The following INTS6 variants were observed in gnomAD, a reference collection of about 807,000 sequenced individuals.
INTS6 encodes the protein DEAD box protein.
Under a neutral mutation model 104.9 loss-of-function variants are expected in INTS6, and 16 were observed. The observed-to-expected ratio is 0.15, with a 90% confidence interval of 0.10 to 0.23. The LOEUF (loss-of-function observed/expected upper bound fraction) is 0.23, where lower values mean the gene tolerates loss of function less well. Among genes scored for constraint, INTS6 ranks in the 10% least tolerant of loss-of-function variants. The pLI is 1.00. For synonymous variants in INTS6, 324 were observed against 358.7 expected, an observed-to-expected ratio of 0.90 and a Z score of 1.09; for missense variants, 584 against 1,062.8, an observed-to-expected ratio of 0.55 and a Z score of 6.26.
chr13:51,344,191 G>T, the INTS6 span: 291 of 1,214,176 alleles, frequency 2.4e-4, 3 homozygotes, highest in South Asian at 3.4e-3. Context: ...TGTGCTGGAG[G>T]TTGTGCTAAC....
chr13:51,391,204 T>G (rs979584335), intron 5 of INTS6, among the ~76,000 whole-genome samples: 1 of 152,160 alleles, frequency 6.6e-6, no homozygotes, highest in African/African-American at 2.4e-5. Flanking sequence ...ATTAGAAGTT[T>G]ACATAAAGGT....
intron 3 of INTS6, chr13:51,446,542 T>C (rs1375859942): frequency 1.3e-5 from 2 of 152,314 alleles, no homozygotes; most frequent in African/African-American, 4.8e-5. Context: ...GATCCTGTCA[T>C]TTCATTTCAG....
chr13:51,393,141 G>A lies in INTS6; in HGVS notation c.613+2159C>T, dbSNP rs1031182801. On this transcript the variant is annotated intron_variant, in intron 5 of 17. Coordinates refer to ENST00000311234, the MANE Select transcript of INTS6 (RefSeq NM_012141.3). ...CAGCCAGGCTGGAGTGCAGTGGTAC[G>A]ATCTCAGCTCACTGCAACTTCCACC... 2.0e-5 allele frequency among the ~76,000 whole-genome samples: 3 copies of A among 148,888 alleles called. No homozygotes were observed. The Admixed American group carries it at 2.0e-4, about 10-fold the overall frequency.
chr13:51,410,597 T>A (rs1443666626), intron 4 of INTS6, among the ~76,000 whole-genome samples: 3 of 152,134 alleles, frequency 2.0e-5, no homozygotes, highest in African/African-American at 7.2e-5. Flanking sequence ...GCACAAACTA[T>A]AAAGCTCCTT....
chr13:51,402,581 T>C (rs1403451339), intron 4 of INTS6: 1 of 152,198 alleles, frequency 6.6e-6, no homozygotes, highest in Non-Finnish European at 1.5e-5. Flanking sequence ...AGGTTTTCCA[T>C]ATTGTTATTT....
At chr13:51,403,553 GC>G (rs1479980177) in intron 4 of INTS6, among the ~76,000 whole-genome samples, 1 of 122,662 alleles carries the variant, frequency 8.2e-6, no homozygotes, top group Non-Finnish European at 1.6e-5. Context: ...CTGCACTCCA[GC>G]CTGGGGGACA....
intron 15 of INTS6, among the ~76,000 whole-genome samples, chr13:51,372,841 G>A (rs1955837823): frequency 6.6e-6 from 1 of 152,164 alleles, no homozygotes; most frequent in South Asian, 2.1e-4. Context: ...TTTCCCAACT[G>A]ATTCCTGTGC....
chr13:51,414,470 G>A (rs1956745813), intron 4 of INTS6, among the ~76,000 whole-genome samples: 1 of 152,066 alleles, frequency 6.6e-6, no homozygotes, highest in Non-Finnish European at 1.5e-5. Flanking sequence ...CACTGTATGT[G>A]TGTTAAGGGC....
chr13:51,451,004 C>G (rs781742097), intron 3 of INTS6, 21 bp downstream of exon 3: 2 of 1,475,032 alleles, frequency 1.4e-6, no homozygotes, highest in South Asian at 3.0e-5. Flanking sequence ...AACTATTTTG[C>G]CACCTTATTA....
intron 3 of INTS6, among the ~76,000 whole-genome samples, chr13:51,433,705 T>C (rs1206466412): frequency 2.0e-5 from 3 of 152,244 alleles, no homozygotes; most frequent in African/African-American, 7.2e-5. Context: ...TAAATTTAAT[T>C]AAGCTAAATT....
chr13:51,394,207 A>T (rs962757691), intron 5 of INTS6, among the ~76,000 whole-genome samples: 37 of 151,920 alleles, frequency 2.4e-4, no homozygotes, highest in African/African-American at 8.2e-4. Context: ...GGTTATCCCT[A>T]AAAAAAATTA....
At chr13:51,383,520 T>G in intron 8 of INTS6, 59 bp from the exon 9 acceptor site, 1 of 1,605,132 alleles carries the variant, frequency 6.2e-7, no homozygotes, top group South Asian at 1.1e-5. Context: ...CATAAACCAT[T>G]GATTCAATTC....
intron 13 of INTS6, among the ~76,000 whole-genome samples, chr13:51,375,517 AATT>A (rs1955904978): frequency 6.6e-6 from 1 of 152,062 alleles, no homozygotes; most frequent in Non-Finnish European, 1.5e-5. Flanking sequence ...TTTTATATAA[AATT>A]ATTGTTAGAA....
intron 4 of INTS6, chr13:51,402,606 T>C (rs1457636270): frequency 1.3e-5 from 2 of 152,234 alleles, no homozygotes; most frequent in Non-Finnish European, 2.9e-5. Context: ...TGATTAATTT[T>C]AGTAATATCG....
chr13:51,334,720 G>A, the INTS6 span, among the ~76,000 whole-genome samples: 6 of 152,150 alleles, frequency 3.9e-5, no homozygotes, highest in Non-Finnish European at 1.5e-5. Context: ...GGTGGCTCAC[G>A]CCTGTAATCC....
intron 4 of INTS6, among the ~76,000 whole-genome samples, chr13:51,408,074 T>C (rs1440294271): frequency 6.6e-6 from 1 of 150,442 alleles, no homozygotes; most frequent in Non-Finnish European, 1.5e-5. Context: ...CTATAGATAA[T>C]TGTTAAATAA....
Position 51,383,478 on chromosome 13 carries a change from G to A in INTS6, c.1048-17C>T, listed in dbSNP as rs1566214368. On this transcript the variant is annotated splice_polypyrimidine_tract_variant and intron_variant, in intron 8 of 17. Transcript: ENST00000311234. ...CACGTACACCTGTTAAAAAGGAGCG[G>A]TTAAAACTTTAATAACCTTTAAAGA... 3.1e-6 allele frequency: 5 copies of A among 1,609,274 alleles called. No individual in the cohort carries two copies. The highest frequency in any genetic ancestry group is 3.4e-6 in the Non-Finnish European group (4 of 1,178,318).
chr13:51,438,018 A>G (rs1422852181), intron 3 of INTS6: 1 of 152,170 alleles, frequency 6.6e-6, no homozygotes, highest in African/African-American at 2.4e-5. Flanking sequence ...CAAAAACAAT[A>G]ATAATTAAAA....
chr13:51,417,405 A>ATGT (rs1209261741), intron 4 of INTS6, among the ~76,000 whole-genome samples: 2 of 150,508 alleles, frequency 1.3e-5, no homozygotes, highest in Non-Finnish European at 3.0e-5. Context: ...ATTCTCTTGC[A>ATGT]TGTGCATGCA....
Sources: gnomAD v4.1 joint callset for allele counts (sites outside exome capture counted in the v4.1 genomes callset) on GRCh38, gnomAD v4.1.1 for gene constraint, MANE v1.5 for transcripts, NCBI Gene and HGNC (gene_info 2026-07-23, HGNC 2026-07-21) for gene names.